Variants in AFF3 observed in about 807,000 individuals in gnomAD.
AFF3 encodes AF4/FMR2 family member 3.
AFF3 carries 32 observed loss-of-function variants against 129.7 expected under a neutral mutation model. That is an observed-to-expected ratio of 0.25 (90% CI 0.19 to 0.33). The LOEUF (loss-of-function observed/expected upper bound fraction) is 0.33, where lower values mean the gene tolerates loss of function less well. Among genes scored for constraint, AFF3 ranks in the 10% least tolerant of loss-of-function variants. The probability of loss-of-function intolerance (pLI) is 1.00; values close to 1 mark genes in which losing one functional copy is unlikely to be tolerated. For missense variants in AFF3, 1,373 were observed against 1,592.0 expected, an observed-to-expected ratio of 0.86 and a Z score of 2.34; for synonymous variants, 644 against 635.4, an observed-to-expected ratio of 1.01 and a Z score of -0.20.
Position 99,958,093 on chromosome 2 carries a change from G to A in AFF3, c.873+48539C>T, listed in dbSNP as rs535518546. On this transcript the variant is annotated intron_variant, in intron 7 of 24. Coordinates refer to ENST00000672756, the MANE Select transcript of AFF3 (RefSeq NM_001386135.1). ...TTAGACACACCTACAAGAGGGACAC[G>A]ATCCAAACAAGACCGAACAGACAGA... Among the ~76,000 whole-genome samples the A allele has an allele frequency of 3.3e-5, 5 of 152,238 alleles. No homozygotes were observed. The East Asian group carries it at 7.7e-4, about 24-fold the overall frequency.
intron 12 of AFF3, among the ~76,000 whole-genome samples, chr2:99,660,592 C>G (rs1686144442): frequency 6.6e-6 from 1 of 152,224 alleles, no homozygotes; most frequent in South Asian, 2.1e-4. Flanking sequence ...AATAATCACA[C>G]AGTCTTCTTT....
chr2:99,613,738 T>C (rs955553275), intron 13 of AFF3, among the ~76,000 whole-genome samples: 1 of 152,248 alleles, frequency 6.6e-6, no homozygotes, highest in African/African-American at 2.4e-5. Context: ...GTTTCAGCTA[T>C]GTTTACTCTT....
At chr2:100,085,842 C>T (rs1286391031) in intron 4 of AFF3, among the ~76,000 whole-genome samples, 1 of 151,826 alleles carries the variant, frequency 6.6e-6, no homozygotes, top group Non-Finnish European at 1.5e-5. Context: ...ATTACTTTTT[C>T]ACTGTCCCCA....
At chr2:99,859,272 T>C (rs1690786745) in intron 7 of AFF3, among the ~76,000 whole-genome samples, 1 of 152,240 alleles carries the variant, frequency 6.6e-6, no homozygotes, top group Non-Finnish European at 1.5e-5. Flanking sequence ...CATGCCACTC[T>C]ACCCTGCCTT....
intron 4 of AFF3, among the ~76,000 whole-genome samples, chr2:100,055,338 C>T (rs1472085599): frequency 1.3e-5 from 2 of 151,918 alleles, no homozygotes; most frequent in African/African-American, 2.4e-5. Flanking sequence ...TTGCACAGTA[C>T]ATCATTAACC....
chr2:99,674,867 C>T (rs1296817970), intron 11 of AFF3, among the ~76,000 whole-genome samples: 5 of 152,174 alleles, frequency 3.3e-5, no homozygotes, highest in Non-Finnish European at 7.3e-5. Flanking sequence ...GTCACCACAA[C>T]GGTCAAAATG....
chr2:99,895,122 G>T (rs565394825), intron 7 of AFF3, among the ~76,000 whole-genome samples: 1 of 152,296 alleles, frequency 6.6e-6, no homozygotes, highest in East Asian at 1.9e-4. Context: ...AAGCACTGGG[G>T]TTGTTGACAG....
At chr2:99,996,785 T>C (rs1400884014) in intron 7 of AFF3, among the ~76,000 whole-genome samples, 1 of 152,124 alleles carries the variant, frequency 6.6e-6, no homozygotes. Context: ...CTGTATGTAA[T>C]GTCTCTAATT....
At chr2:99,848,646 CA>C (rs1458593709) in intron 7 of AFF3, among the ~76,000 whole-genome samples, 1 of 152,076 alleles carries the variant, frequency 6.6e-6, no homozygotes, top group Non-Finnish European at 1.5e-5. Context: ...AACAATCTAA[CA>C]AAAAATGATC....
chr2:100,100,919 C>T (rs1281072636), intron 4 of AFF3, among the ~76,000 whole-genome samples: 3 of 152,232 alleles, frequency 2.0e-5, no homozygotes, highest in African/African-American at 7.2e-5. Context: ...CCTGTAAACT[C>T]ACGGAATGCC....
intron 7 of AFF3, among the ~76,000 whole-genome samples, chr2:99,872,452 C>A (rs1436520210): frequency 6.6e-6 from 1 of 151,904 alleles, no homozygotes; most frequent in African/African-American, 2.4e-5. Flanking sequence ...GACAGGCAAG[C>A]ACAGTGTTGT....
chr2:100,126,279 G>T lies in AFF3; in HGVS notation c.-145+2945C>A, dbSNP rs76712571. On this transcript the variant is annotated intron_variant, in intron 2 of 24. Coordinates refer to ENST00000672756, the MANE Select transcript of AFF3 (RefSeq NM_001386135.1). Reference sequence around the variant, plus strand: ...AGGACAATTTAGGCATTGATCAGTGGCAAAGCATGTTCTGTTCGAGAAGCC... The same window carrying T: ...AGGACAATTTAGGCATTGATCAGTGTCAAAGCATGTTCTGTTCGAGAAGCC... 9.2e-3 allele frequency among the ~76,000 whole-genome samples: 1,406 copies of T among 152,274 alleles called. 23 individuals carry two copies. The highest frequency in any genetic ancestry group is 0.032 in the African/African-American group (1,323 of 41,542).
intron 15 of AFF3, among the ~76,000 whole-genome samples, chr2:99,588,018 A>AG (rs1194708101): frequency 2.6e-5 from 4 of 151,866 alleles, no homozygotes; most frequent in South Asian, 2.1e-4. Context: ...CAAAAAAAAA[A>AG]AAAAAAATTA....
rs762274125 is a variant in AFF3 at position 99,590,998 on chromosome 2, CA to C, written c.2466+2196del. Among the ~76,000 whole-genome samples the C allele has an allele frequency of 7.1e-3, 799 of 112,632 alleles. 1 individual carries two copies. Among genetic ancestry groups the C allele is most frequent in the African/African-American group, 0.013 (368 of 28,442 alleles). 73.9% of individuals were successfully genotyped at this position (112,632 alleles called of 152,430 possible). ...GGGCAACAAGAGCGAAACTCTGTCT[CA>C]AAAAAAAAAAAAAAAATTTTTTTTT... On this transcript the variant is annotated intron_variant, in intron 15 of 24. Transcript: ENST00000672756.
intron 20 of AFF3, among the ~76,000 whole-genome samples, chr2:99,563,014 A>G (rs1000917654): frequency 6.4e-5 from 8 of 124,242 alleles, no homozygotes; most frequent in African/African-American, 3.0e-4. Flanking sequence ...CTGCTTGGCC[A>G]TCTGGAGTTC....
intron 11 of AFF3, among the ~76,000 whole-genome samples, chr2:99,715,530 T>A (rs547201794): frequency 3.8e-4 from 58 of 152,320 alleles, no homozygotes; most frequent in African/African-American, 1.4e-3. Context: ...AGACTTATAA[T>A]GCGGTCTGAG....
At chr2:99,978,228 GA>G (rs1679066647) in intron 7 of AFF3, among the ~76,000 whole-genome samples, 1 of 152,136 alleles carries the variant, frequency 6.6e-6, no homozygotes, top group Admixed American at 6.5e-5. Context: ...ACTGCTCACA[GA>G]ACTCTGACTC....
rs5832887 is a variant in AFF3, at chr2:99,867,593, A to AAC, written c.874-30070_874-30069insGT. 4.1e-5 allele frequency among the ~76,000 whole-genome samples: 6 copies of AAC among 145,454 alleles called. No individual in the cohort carries two copies. In the East Asian group the frequency reaches 1.2e-3, roughly 29 times the overall value. ...TTCTATATTAAAAAAAAAAAAAAAA[A>AAC]CATAGCTGGCAGCCCCCTTTCTCCA... On this transcript the variant is annotated intron_variant, in intron 7 of 24. Transcript: ENST00000672756.
At position 99,548,699 on chromosome 2, in the gene AFF3, C is replaced by T. The variant is rs563653868; in HGVS notation, c.*2775G>A. 23 of 225,630 alleles carry T rather than the reference C, an allele frequency of 1.0e-4. No homozygotes were observed. The highest frequency in any genetic ancestry group is 4.5e-4 in the East Asian group (7 of 15,644). 14.0% of individuals were successfully genotyped at this position (225,630 alleles called of 1,614,324 possible). ...TTGAGGCTGCAGGGAGCCATGATCG[C>T]GCCACCGCATTCCAGCTTGGGCTAC... On this transcript the variant is annotated 3_prime_UTR_variant, in exon 25 of 25. Transcript: ENST00000672756.
Sources: gnomAD v4.1 joint callset for allele counts (sites outside exome capture counted in the v4.1 genomes callset) on GRCh38, gnomAD v4.1.1 for gene constraint, MANE v1.5 for transcripts, NCBI Gene and HGNC (gene_info 2026-07-23, HGNC 2026-07-21) for gene names.